The following SCLT1 variants were observed in gnomAD, a reference collection of about 807,000 sequenced individuals.
SCLT1 encodes the protein sodium channel-associated protein 1.
Under a neutral mutation model 112.8 loss-of-function variants are expected in SCLT1, and 78 were observed. The observed-to-expected ratio is 0.69, with a 90% CI of 0.58 to 0.83. SCLT1 has a LOEUF of 0.83. SCLT1 is among the 40% of genes least tolerant of loss of function. SCLT1 has a pLI of 0.00. For missense variants in SCLT1, 747 were observed against 770.4 expected, an observed-to-expected ratio of 0.97 and a Z score of 0.36; for synonymous variants, 257 against 254.7, an observed-to-expected ratio of 1.01 and a Z score of -0.09.
In SCLT1 at chr4:129,082,327, A is replaced by G. The variant is rs1752012511; in HGVS notation, c.81T>C (p.Phe27=). Residue 27 remains phenylalanine, a synonymous_variant, in exon 2 of 21, where the codon TTT becomes TTC. Transcript: ENST00000281142. The part of the protein sequence containing the change: ...EDFRRYQMES[F]SKYSSVQKAV... ...ATACCTGTACAGATGAATATTTGGA[A>G]AAACTTTCCATTTGATACCGCCTAA... 6.3e-7 allele frequency: 1 copy of G among 1,584,468 alleles called. No homozygotes were observed. The highest frequency in any genetic ancestry group is 1.3e-5 in the African/African-American group (1 of 74,258).
intron 18 of SCLT1, among the ~76,000 whole-genome samples, chr4:128,918,514 A>G (rs1393795501): frequency 6.6e-6 from 1 of 152,214 alleles, no homozygotes; most frequent in Non-Finnish European, 1.5e-5. Flanking sequence ...GAATGAATAA[A>G]GCTTCTGAGA....
intron 18 of SCLT1, among the ~76,000 whole-genome samples, chr4:128,896,949 T>C (rs984230942): frequency 1.6e-4 from 24 of 151,982 alleles, no homozygotes; most frequent in African/African-American, 5.6e-4. Context: ...ATGAATGAAA[T>C]GAAGTGAGAA....
chr4:129,018,123 T>C (rs1401779255), intron 5 of SCLT1, among the ~76,000 whole-genome samples: 2 of 152,264 alleles, frequency 1.3e-5, no homozygotes, highest in East Asian at 3.8e-4. Flanking sequence ...ACAGCCATAC[T>C]ACGCTTCTTA....
intron 19 of SCLT1, among the ~76,000 whole-genome samples, chr4:128,890,261 T>C (rs1297057168): frequency 8.5e-5 from 13 of 152,220 alleles, no homozygotes. Context: ...CTATTCATCA[T>C]TTTGGTTGCT....
At chr4:129,032,327 CA>C (rs1351067612) in intron 5 of SCLT1, among the ~76,000 whole-genome samples, 1 of 152,078 alleles carries the variant, frequency 6.6e-6, no homozygotes, top group Non-Finnish European at 1.5e-5. Context: ...ACACCTTATA[CA>C]AAAATTAACT....
Position 128,936,751 on chromosome 4 carries a change from C to T in SCLT1, c.1733G>A (p.Arg578Lys). The T allele has an allele frequency of 6.2e-7, 1 of 1,611,422 alleles. No individual in the cohort carries two copies. The highest frequency in any genetic ancestry group is 8.5e-7 in the Non-Finnish European group (1 of 1,177,854). ...DSNRNSIVEL[R>K]HLLATQQKAA... ...CTTCTGTTGAGTCGCTAGGAGATGC[C>T]TCAGTTCAACAATGGAATTTCTATT... The change falls in exon 18 of 21, where the codon AGG becomes AAG. Residue 578 changes from arginine (R) to lysine (K), a missense_variant. Arg to Lys is a conservative substitution (Grantham distance 26). Transcript: ENST00000281142.
intron 7 of SCLT1, among the ~76,000 whole-genome samples, chr4:128,999,172 C>A (rs529637452): frequency 2.0e-5 from 3 of 151,908 alleles, no homozygotes; most frequent in Admixed American, 6.6e-5. Context: ...CATTAAGATA[C>A]CTTCCTGTTG....
In SCLT1 at chr4:128,999,023, T is replaced by C. The variant is rs111330086; in HGVS notation, c.549+649A>G. Among the ~76,000 whole-genome samples the C allele has an allele frequency of 4.8e-3, 734 of 152,084 alleles. 4 individuals are homozygous for C. The highest frequency in any genetic ancestry group is 0.016 in the African/African-American group (667 of 41,568). ...CCAACAGAAGAATAAAAGAGGTAGA[T>C]TTCCAAATGGAATAGATGGCCTTGT... is the stretch of plus-strand genomic sequence containing the variant. On this transcript the variant is annotated intron_variant, in intron 7 of 20. Coordinates refer to ENST00000281142, the MANE Select transcript of SCLT1 (RefSeq NM_144643.4).
At chr4:129,020,037 C>T (rs1409196313) in intron 5 of SCLT1, among the ~76,000 whole-genome samples, 19 of 152,164 alleles carry the variant, frequency 1.2e-4, no homozygotes, top group Admixed American at 1.2e-3. Flanking sequence ...TTTATATCAT[C>T]TGGTCCCTAC....
chr4:128,948,136 C>A (rs1738341761), intron 15 of SCLT1, among the ~76,000 whole-genome samples: 1 of 151,694 alleles, frequency 6.6e-6, no homozygotes, highest in Admixed American at 6.6e-5. Flanking sequence ...GAGATAGAGA[C>A]CATCCTGGCT....
intron 2 of SCLT1, among the ~76,000 whole-genome samples, chr4:129,054,537 G>A (rs960177540): frequency 6.6e-6 from 1 of 151,852 alleles, no homozygotes; most frequent in Non-Finnish European, 1.5e-5. Flanking sequence ...CCGCTTGATC[G>A]ATTCAGCTAT....
At chr4:129,058,516 A>C (rs1749656263) in intron 2 of SCLT1, among the ~76,000 whole-genome samples, 1 of 152,172 alleles carries the variant, frequency 6.6e-6, no homozygotes, top group Admixed American at 6.5e-5. Flanking sequence ...GTATATGTAC[A>C]GTTTCTAATG....
At chr4:129,084,880 A>T (rs1034413755) in intron 1 of SCLT1, among the ~76,000 whole-genome samples, 2 of 152,248 alleles carry the variant, frequency 1.3e-5, no homozygotes, top group Non-Finnish European at 1.5e-5. Context: ...CTCAAGACGA[A>T]TTAAAGACTT....
chr4:128,949,822 T>C (rs1309953125), intron 14 of SCLT1, among the ~76,000 whole-genome samples: 3 of 148,086 alleles, frequency 2.0e-5, no homozygotes, highest in Non-Finnish European at 3.0e-5. Flanking sequence ...CTATTGTGAA[T>C]AGTGGGGTAT....
At chr4:128,971,210 GA>G (rs1740664524) in intron 9 of SCLT1, 1 of 151,840 alleles carries the variant, frequency 6.6e-6, no homozygotes, top group African/African-American at 2.4e-5. Context: ...ACATTTTCAA[GA>G]AAAAAATACT....
chr4:128,976,355 C>T (rs997075195), intron 9 of SCLT1, among the ~76,000 whole-genome samples: 5 of 152,252 alleles, frequency 3.3e-5, no homozygotes, highest in East Asian at 1.9e-4. Flanking sequence ...CTTTTGTAAA[C>T]GATGATTACA....
At chr4:128,967,328 G>C (rs1395808547) in intron 10 of SCLT1, among the ~76,000 whole-genome samples, 1 of 152,188 alleles carries the variant, frequency 6.6e-6, no homozygotes, top group African/African-American at 2.4e-5. Context: ...ACATGGACAT[G>C]TGTCTTGATA....
At chr4:128,997,566 G>T (rs527767033) in intron 8 of SCLT1, among the ~76,000 whole-genome samples, 109 of 151,880 alleles carry the variant, frequency 7.2e-4, no homozygotes, top group African/African-American at 2.5e-3. Flanking sequence ...ACCTGGCAGT[G>T]TGTCAGGTGA....
intron 18 of SCLT1, among the ~76,000 whole-genome samples, chr4:128,910,105 G>A (rs1734974198): frequency 6.6e-6 from 1 of 152,176 alleles, no homozygotes; most frequent in South Asian, 2.1e-4. Flanking sequence ...ACACATGCAA[G>A]TATTTCTATA....
Sources: allele counts gnomAD v4.1 joint callset (sites outside exome capture counted in the v4.1 genomes callset), GRCh38; gene constraint gnomAD v4.1.1; transcripts MANE v1.5; gene names NCBI Gene and HGNC (gene_info 2026-07-23, HGNC 2026-07-21).